Variants in CDH11 observed in about 807,000 individuals in gnomAD.
CDH11 encodes the protein cadherin-11.
CDH11 carries 11 observed loss-of-function variants against 67.8 expected under a neutral mutation model. The observed-to-expected ratio is 0.16, with a 90% CI of 0.10 to 0.27. The LOEUF is 0.27. Among genes scored for constraint, CDH11 ranks in the 10% least tolerant of loss-of-function variants. The pLI, the probability that CDH11 is intolerant of heterozygous loss-of-function variation, is 1.00. For missense variants in CDH11, 847 were observed against 1,031.2 expected, an observed-to-expected ratio of 0.82 and a Z score of 2.45; for synonymous variants, 419 against 400.0, an observed-to-expected ratio of 1.05 and a Z score of -0.57.
At chr16:65,118,060 C>T (rs1187800469) in intron 1 of CDH11, among the ~76,000 whole-genome samples, 1 of 152,176 alleles carries the variant, frequency 6.6e-6, no homozygotes, top group African/African-American at 2.4e-5. Context: ...AATTCGGTCT[C>T]TCCTGAGAGG....
intron 4 of CDH11, among the ~76,000 whole-genome samples, 162 bp from the exon 5 acceptor site, chr16:64,993,196 ACCTT>A (rs71143543): frequency 0.36 from 53,003 of 147,062 alleles, 9,733 homozygotes; most frequent in South Asian, 0.54. Context: ...CAGCCAACCA[ACCTT>A]CCTTCCTTCC....
chr16:64,957,674 A>G (rs371550), intron 11 of CDH11, among the ~76,000 whole-genome samples: 1 of 151,750 alleles, frequency 6.6e-6, no homozygotes, highest in Non-Finnish European at 1.5e-5. Flanking sequence ...ACGCATAAAT[A>G]AGCACATACA....
chr16:65,037,010 A>C (rs1183204192), intron 2 of CDH11, among the ~76,000 whole-genome samples: 3 of 152,132 alleles, frequency 2.0e-5, no homozygotes, highest in Admixed American at 2.0e-4. Context: ...ACTCTAGCCT[A>C]AGGTTTCTGT....
chr16:65,010,827 A>G (rs1056257992), intron 2 of CDH11, among the ~76,000 whole-genome samples: 41 of 151,890 alleles, frequency 2.7e-4, no homozygotes, highest in Non-Finnish European at 1.5e-5. Context: ...TTTACATTAA[A>G]TTGTCATAAA....
chr16:65,098,158 G>A (rs959571947), intron 1 of CDH11, among the ~76,000 whole-genome samples: 1 of 152,154 alleles, frequency 6.6e-6, no homozygotes, highest in Non-Finnish European at 1.5e-5. Context: ...AGAACCTACT[G>A]ACCAATGGGT....
intron 11 of CDH11, among the ~76,000 whole-genome samples, chr16:64,965,553 C>T (rs373934319): frequency 3.3e-5 from 5 of 152,018 alleles, no homozygotes; most frequent in African/African-American, 1.2e-4. Context: ...GGTAACAATG[C>T]CTTCTTCTGG....
chr16:65,118,854 A>G (rs1053166153), intron 1 of CDH11: 1 of 152,224 alleles, frequency 6.6e-6, no homozygotes, highest in African/African-American at 2.4e-5. Flanking sequence ...GTAAATTCCA[A>G]TGAAATTGTT....
Position 64,945,712 on chromosome 16 carries a change from T to C in CDH11, c.*1891A>G. Reference sequence around the variant, plus strand: ...CATTGAAGTGTTCAGCCCAATTTGATTTCAATGCAAAGTAAAATGGAAGTG... The same window carrying C: ...CATTGAAGTGTTCAGCCCAATTTGACTTCAATGCAAAGTAAAATGGAAGTG... On this transcript the variant is annotated 3_prime_UTR_variant, in exon 13 of 13. Transcript: ENST00000268603. The C allele has an allele frequency of 9.6e-7, 1 of 1,041,908 alleles. No individual in the cohort carries two copies. The highest frequency in any genetic ancestry group is 1.2e-6 in the Non-Finnish European group (1 of 864,508). 64.5% of individuals were successfully genotyped at this position (1,041,908 alleles called of 1,614,324 possible).
intron 9 of CDH11, among the ~76,000 whole-genome samples, 173 bp downstream of exon 9, chr16:64,972,731 C>T (rs1434787285): frequency 6.6e-6 from 1 of 152,130 alleles, no homozygotes; most frequent in African/African-American, 2.4e-5. Context: ...AGAACATTTC[C>T]CTTTGCCTAT....
intron 2 of CDH11, among the ~76,000 whole-genome samples, chr16:65,035,422 C>T (rs774076252): frequency 6.6e-6 from 1 of 152,214 alleles, no homozygotes; most frequent in Non-Finnish European, 1.5e-5. Flanking sequence ...CCTGTCACAG[C>T]CAACCATTGT....
intron 2 of CDH11, among the ~76,000 whole-genome samples, chr16:65,034,861 G>C (rs2073720083): frequency 6.6e-6 from 1 of 152,122 alleles, no homozygotes; most frequent in Non-Finnish European, 1.5e-5. Context: ...CAGCCTCTGA[G>C]GGACATGGCC....
At chr16:65,104,375 C>G (rs2075037239) in intron 1 of CDH11, among the ~76,000 whole-genome samples, 1 of 152,122 alleles carries the variant, frequency 6.6e-6, no homozygotes, top group African/African-American at 2.4e-5. Flanking sequence ...GCCATAGAAC[C>G]CAGAGTAAGA....
At chr16:65,122,102 G>C (rs1462875704), upstream of CDH11, 12 of 577,274 alleles carry the variant, frequency 2.1e-5, no homozygotes, top group Non-Finnish European at 3.3e-5. Flanking sequence ...TGAGAAACCG[G>C]GGGGAGGTGG....
intron 2 of CDH11, among the ~76,000 whole-genome samples, chr16:65,014,941 C>T (rs138960011): frequency 0.011 from 1,654 of 151,660 alleles, 34 homozygotes; most frequent in African/African-American, 0.039. Context: ...CAGCAACCTC[C>T]ACCTCCTGGG....
chr16:65,063,035 T>C (rs566280784), intron 1 of CDH11, among the ~76,000 whole-genome samples: 53 of 152,234 alleles, frequency 3.5e-4, no homozygotes, highest in Non-Finnish European at 7.2e-4. Flanking sequence ...GTTTCGCGTT[T>C]GCTGGACTTT....
intron 1 of CDH11, among the ~76,000 whole-genome samples, chr16:65,078,767 C>G (rs1597167063): frequency 1.3e-5 from 2 of 152,234 alleles, no homozygotes; most frequent in East Asian, 3.9e-4. Context: ...GGAACCTAGA[C>G]AGACTCCAGA....
chr16:65,072,427 C>T (rs1428605813), intron 1 of CDH11, among the ~76,000 whole-genome samples: 1 of 152,204 alleles, frequency 6.6e-6, no homozygotes, highest in African/African-American at 2.4e-5. Flanking sequence ...CATGGTACCC[C>T]CAGCCCACGG....
At chr16:65,109,907 G>A (rs1042542248) in intron 1 of CDH11, among the ~76,000 whole-genome samples, 11 of 151,970 alleles carry the variant, frequency 7.2e-5, no homozygotes, top group Admixed American at 3.9e-4. Flanking sequence ...TTTAAGACAG[G>A]GTCTGGATCT....
intron 1 of CDH11, among the ~76,000 whole-genome samples, chr16:65,079,815 T>C (rs1484577207): frequency 6.6e-6 from 1 of 152,184 alleles, no homozygotes; most frequent in Non-Finnish European, 1.5e-5. Flanking sequence ...CCTTCATCCT[T>C]AAAAATTCAT....
Sources: allele counts gnomAD v4.1 joint callset (sites outside exome capture counted in the v4.1 genomes callset), GRCh38; gene constraint gnomAD v4.1.1; transcripts MANE v1.5; gene names NCBI Gene and HGNC (gene_info 2026-07-23, HGNC 2026-07-21).